The following EIF2D variants were observed in gnomAD, a reference collection of about 807,000 sequenced individuals.
EIF2D encodes the protein hepatocellular carcinoma-associated antigen 56.
In EIF2D, 56 loss-of-function variants were observed where a neutral mutation model predicts 77.4. The observed-to-expected ratio is 0.72, with a 90% CI of 0.58 to 0.90. The LOEUF (loss-of-function observed/expected upper bound fraction) is 0.90. EIF2D is among the 40% of genes least tolerant of loss of function. EIF2D has a pLI of 0.00. For synonymous variants in EIF2D, 230 were observed against 271.0 expected (o/e 0.85, Z 1.49); for missense variants, 574 against 706.5 (o/e 0.81, Z 2.13).
chr1:206,599,232 G>C lies in EIF2D; in HGVS notation c.1203-140C>G. 1.1e-6 allele frequency: 1 copy of C among 902,932 alleles called. No individual in the cohort carries two copies. The highest frequency in any genetic ancestry group is 2.5e-5 in the East Asian group (1 of 39,544). The allele number at this position is 902,932 out of a possible 1,614,324, so 55.9% of individuals were successfully genotyped here. A position where few individuals can be genotyped will look rare whatever the true frequency, so the allele number is the denominator to read the frequency against. On this transcript the variant is annotated intron_variant, in intron 10 of 14. Coordinates refer to ENST00000271764, the MANE Select transcript of EIF2D (RefSeq NM_006893.3). The surrounding 1 kb of genome is among the most constrained non-coding windows in gnomAD (Gnocchi z 4.1). Reference sequence around the variant, plus strand: ...AGTTTCTTCCCTTTTCCTGACTGAAGTGAGCATGACCATGTGAAGAATAAT... The same window carrying C: ...AGTTTCTTCCCTTTTCCTGACTGAACTGAGCATGACCATGTGAAGAATAAT...
intron 14 of EIF2D, 109 bp downstream of exon 14, chr1:206,593,510 T>TGTGTGTGTGCGG: frequency 6.8e-6 from 2 of 294,350 alleles, no homozygotes; most frequent in Non-Finnish European, 1.2e-5. Flanking sequence ...AGAGAGAGAG[T>TGTGTGTGTGCGG]GTGTGTGTGT....
chr1:206,597,906 T>C (rs12745991), intron 11 of EIF2D, among the ~76,000 whole-genome samples: 41,008 of 151,914 alleles, frequency 0.27, 5,668 homozygotes, highest in Middle Eastern at 0.4. Flanking sequence ...GATTGTACCA[T>C]TGCACTCCAG....
chr1:206,585,511 G>C (rs1572375595), intron 2 of EIF2D: 2 of 418,186 alleles, frequency 4.8e-6, no homozygotes, highest in East Asian at 7.3e-5. Context: ...GCCTGTGTGT[G>C]GCAAGGCCTG....
chr1:206,591,863 C>G lies in EIF2D; in HGVS notation c.1685-18G>C. 6.2e-7 allele frequency: 1 copy of G among 1,614,036 alleles called. No homozygotes were observed. Among genetic ancestry groups the G allele is most frequent in the Non-Finnish European group, 8.5e-7 (1 of 1,179,908 alleles). The stretch of plus-strand genomic sequence containing the variant: ...ATACTCTTCTACAATCCAAAAAGCA[C>G]ACACTCCTCAGCGGAGCATGACCTT... On this transcript the variant is annotated intron_variant, in intron 14 of 14. Transcript: ENST00000271764.
At position 206,585,366 on chromosome 1, in the gene EIF2D, A is replaced by G. The variant is rs1463680816; in HGVS notation, c.139-4204T>C. 1.2e-5 allele frequency: 13 copies of G among 1,104,042 alleles called. No homozygotes were observed. The Admixed American group carries it at 2.2e-4, about 19-fold the overall frequency. The allele number at this position is 1,104,042 out of a possible 1,614,324, so 68.4% of individuals were successfully genotyped here. On this transcript the variant is annotated intron_variant and NMD_transcript_variant, in intron 2 of 5. Transcript: ENST00000472709. ...GGTGGGTGCAGGTGGGTGTTGTCCT[A>G]ACTACCTCACATAGGTGGGAGCCAC...
chr1:206,595,653 G>A, intron 13 of EIF2D, 65 bp downstream of exon 13: 1 of 1,575,764 alleles, frequency 6.3e-7, no homozygotes, highest in Non-Finnish European at 8.6e-7. Flanking sequence ...ATCACATTAG[G>A]GAGACCAGAA....
downstream of EIF2D, among the ~76,000 whole-genome samples, chr1:206,589,804 A>G (rs1553408601): frequency 1.3e-5 from 2 of 152,206 alleles, no homozygotes; most frequent in African/African-American, 2.4e-5. Flanking sequence ...ACATTAAATT[A>G]TTAAAAAGAA....
chr1:206,580,152 G>C (rs938905261), intron 4 of EIF2D, among the ~76,000 whole-genome samples: 1 of 152,204 alleles, frequency 6.6e-6, no homozygotes, highest in East Asian at 1.9e-4. Context: ...GTGGGAAGGG[G>C]AGAGATAGAT....
chr1:206,611,416 A>C (rs782375616), intron 1 of EIF2D, 42 bp from the exon 2 acceptor site: 1 of 1,534,282 alleles, frequency 6.5e-7, no homozygotes, highest in Non-Finnish European at 8.9e-7. Context: ...GCCTGGACAG[A>C]CTTTTAATAA....
chr1:206,602,305 G>A (rs375027964), intron 7 of EIF2D, 31 bp downstream of exon 7: 63 of 1,590,960 alleles, frequency 4.0e-5, no homozygotes, highest in South Asian at 2.9e-4. Context: ...CCCCGGCCCC[G>A]GCCTCCAGCC....
At chr1:206,606,860 G>C (rs528950197) in intron 4 of EIF2D, among the ~76,000 whole-genome samples, 12 of 152,330 alleles carry the variant, frequency 7.9e-5, no homozygotes, top group African/African-American at 2.6e-4. Flanking sequence ...TCCAGTATTG[G>C]TGAGAGTATA....
chr1:206,607,438 T>G (rs868971989), intron 4 of EIF2D, among the ~76,000 whole-genome samples: 1 of 152,166 alleles, frequency 6.6e-6, no homozygotes, highest in South Asian at 2.1e-4. Context: ...TCAGAGCTGT[T>G]CATACAATTA....
At chr1:206,583,286 G>A in intron 2 of EIF2D, 2 of 1,612,816 alleles carry the variant, frequency 1.2e-6, no homozygotes, top group Non-Finnish European at 1.7e-6. Context: ...GTAAACCTGT[G>A]GAGGAGACAC....
intron 3 of EIF2D, 63 bp downstream of exon 3, chr1:206,609,313 C>G: frequency 6.8e-7 from 1 of 1,468,938 alleles, no homozygotes; most frequent in Non-Finnish European, 9.5e-7. Context: ...AAGTTTATTA[C>G]ATCAGTTGGC....
At chr1:206,612,046 AAC>A (rs1364008387) in intron 1 of EIF2D, among the ~76,000 whole-genome samples, 42 of 152,332 alleles carry the variant, frequency 2.8e-4, no homozygotes, top group African/African-American at 9.6e-4. Context: ...GCAGTCAGTA[AAC>A]TCTGACTTAA....
intron 14 of EIF2D, among the ~76,000 whole-genome samples, chr1:206,593,010 G>GGGAAT (rs1214699049): frequency 1.3e-5 from 2 of 152,154 alleles, no homozygotes; most frequent in African/African-American, 4.8e-5. Flanking sequence ...GCTGAGGCAG[G>GGGAAT]GGAATGACTG....
Position 206,599,192 on chromosome 1 carries a change from T to C in EIF2D, c.1203-100A>G, listed in dbSNP as rs922300917. 8.5e-7 allele frequency: 1 copy of C among 1,173,922 alleles called. No individual in the cohort carries two copies. The highest frequency in any genetic ancestry group is 2.3e-5 in the Admixed American group (1 of 44,172). 72.7% of individuals were successfully genotyped at this position (1,173,922 alleles called of 1,614,324 possible). On this transcript the variant is annotated intron_variant, in intron 10 of 14. Coordinates refer to ENST00000271764, the MANE Select transcript of EIF2D (RefSeq NM_006893.3). The surrounding 1 kb of genome is among the most constrained non-coding windows in gnomAD (Gnocchi z 4.1). ...TCCCTGCTGAGCAGGGAACTTTCCTTAGCTTTCGGCCTCTAGTTTCTTCCC... is the reference window on the plus strand; with the variant it reads ...TCCCTGCTGAGCAGGGAACTTTCCTCAGCTTTCGGCCTCTAGTTTCTTCCC...
chr1:206,600,532 C>T lies in EIF2D; in HGVS notation c.903-224G>A, dbSNP rs1669879019. ...GAACTTTCCATAGACGTGGAATGTTCTCTGTGTTGTCTAACAGGGCAGCCA... is the reference window on the plus strand; with the variant it reads ...GAACTTTCCATAGACGTGGAATGTTTTCTGTGTTGTCTAACAGGGCAGCCA... On this transcript the variant is annotated intron_variant, in intron 7 of 14. Transcript: ENST00000271764. The T allele has an allele frequency of 1.0e-5, 5 of 486,502 alleles. No homozygotes were observed. The South Asian group carries it at 1.5e-4, about 14-fold the overall frequency. 30.1% of individuals were successfully genotyped at this position (486,502 alleles called of 1,614,324 possible). A position where few individuals can be genotyped will look rare whatever the true frequency, so the allele number is the denominator to read the frequency against.
Position 206,579,437 on chromosome 1 carries a change from G to C in EIF2D, c.*254+1255C>G, listed in dbSNP as rs995548078. ...CCTTAAGAATCTGGCAGGTGAATAGGAATCAGAGTCTTTGTCTTATCCTCT... is the reference window on the plus strand; with the variant it reads ...CCTTAAGAATCTGGCAGGTGAATAGCAATCAGAGTCTTTGTCTTATCCTCT... On this transcript the variant is annotated intron_variant and NMD_transcript_variant, in intron 4 of 5. Coordinates refer to the EIF2D transcript ENST00000472709. The surrounding 1 kb of genome is among the most constrained non-coding windows in gnomAD (Gnocchi z 4.2). Among the ~76,000 whole-genome samples the C allele has an allele frequency of 6.6e-6, 1 of 152,186 alleles. No individual in the cohort carries two copies. The highest frequency in any genetic ancestry group is 1.5e-5 in the Non-Finnish European group (1 of 68,040).
Sources: gnomAD v4.1 joint callset for allele counts (sites outside exome capture counted in the v4.1 genomes callset) on GRCh38, gnomAD v4.1.1 for gene constraint, Gnocchi (gnomAD v3.1) non-coding constraint, MANE v1.5 for transcripts, NCBI Gene and HGNC (gene_info 2026-07-23, HGNC 2026-07-21) for gene names.